KLRG1: variants seen among roughly 807,000 people sequenced by gnomAD.
The protein encoded by KLRG1 is killer cell lectin-like receptor subfamily G member 1.
A neutral mutation model predicts 21.8 loss-of-function variants in KLRG1; 16 were observed. The observed-to-expected ratio is 0.73, with a 90% confidence interval of 0.50 to 1.11. KLRG1 has a LOEUF of 1.11. KLRG1 is among the 50% of genes most tolerant of loss of function. The pLI is 0.00. For missense variants in KLRG1, 173 were observed against 218.3 expected, an observed-to-expected ratio of 0.79 and a Z score of 1.31; for synonymous variants, 69 against 75.9, an observed-to-expected ratio of 0.91 and a Z score of 0.47.
At chr12:9,150,895 G>A in the KLRG1 span, 1 of 622,254 alleles carries the variant, frequency 1.6e-6, no homozygotes, top group Non-Finnish European at 2.8e-6. Context: ...GTTTTAGAAT[G>A]CATCCTTGGG....
At chr12:9,067,631 G>T in the KLRG1 span, 1 of 683,464 alleles carries the variant, frequency 1.5e-6, no homozygotes, top group Admixed American at 2.1e-5. Context: ...ATTCCTTTAA[G>T]TTTAATCTTG....
At chr12:9,069,788 C>G in the KLRG1 span, 1 of 1,612,894 alleles carries the variant, frequency 6.2e-7, no homozygotes, top group Non-Finnish European at 8.5e-7. Flanking sequence ...GACTTCTGTC[C>G]GGCTCACATG....
At chr12:8,955,021 ATTC>A (rs1413998001) in intron 1 of KLRG1, among the ~76,000 whole-genome samples, 1 of 151,662 alleles carries the variant, frequency 6.6e-6, no homozygotes, top group Non-Finnish European at 1.5e-5. Context: ...GGTTCAAGCT[ATTC>A]TTCTGCCTCA....
At chr12:9,212,482 G>A in the KLRG1 span, among the ~76,000 whole-genome samples, 3 of 131,246 alleles carry the variant, frequency 2.3e-5, no homozygotes, top group Non-Finnish European at 5.4e-5. Flanking sequence ...TTTTATGTTA[G>A]TTATTTTCTT....
the KLRG1 span, chr12:9,200,988 G>C: frequency 1.2e-6 from 2 of 1,614,112 alleles, no homozygotes; most frequent in Non-Finnish European, 1.7e-6. Context: ...GATGAGAGGG[G>C]AAAGGACAAC....
At chr12:9,182,013 A>T in the KLRG1 span, 1 of 1,613,918 alleles carries the variant, frequency 6.2e-7, no homozygotes, top group Middle Eastern at 1.6e-4. Context: ...AATTTTTCAG[A>T]GTCTCCAACA....
the KLRG1 span, chr12:9,066,716 G>A: frequency 2.0e-5 from 3 of 152,226 alleles, no homozygotes; most frequent in Admixed American, 6.5e-5. Flanking sequence ...AGAAGTGATA[G>A]CTTTTATTTC....
At chr12:9,044,657 A>C in the KLRG1 span, among the ~76,000 whole-genome samples, 6 of 151,186 alleles carry the variant, frequency 4.0e-5, no homozygotes, top group East Asian at 1.2e-3. Context: ...ACAGAGTGAG[A>C]TTCCATTTCA....
chr12:9,025,648 A>G, the KLRG1 span, among the ~76,000 whole-genome samples: 6 of 152,174 alleles, frequency 3.9e-5, no homozygotes, highest in African/African-American at 1.4e-4. Flanking sequence ...AAAAAAACCC[A>G]AAAAATATGC....
At chr12:9,209,307 G>T in the KLRG1 span, among the ~76,000 whole-genome samples, 1 of 151,850 alleles carries the variant, frequency 6.6e-6, no homozygotes, top group South Asian at 2.1e-4. Context: ...CCCTTCTTTG[G>T]AGAGCAAATT....
chr12:9,177,239 C>G, the KLRG1 span, among the ~76,000 whole-genome samples: 3 of 152,332 alleles, frequency 2.0e-5, no homozygotes, highest in South Asian at 6.2e-4. Flanking sequence ...CGCATTAGCT[C>G]TCTTGGATCA....
At chr12:9,027,916 T>C in the KLRG1 span, 1 of 878,700 alleles carries the variant, frequency 1.1e-6, no homozygotes, top group East Asian at 2.4e-5. Flanking sequence ...CCTCTTTGGC[T>C]AGATGAAGCG....
chr12:9,190,927 G>T, the KLRG1 span, among the ~76,000 whole-genome samples: 1 of 152,224 alleles, frequency 6.6e-6, no homozygotes, highest in Admixed American at 6.5e-5. Context: ...TATCATAGAG[G>T]TGTAAGTGCT....
the KLRG1 span, chr12:9,074,505 A>C: frequency 6.7e-7 from 1 of 1,497,622 alleles, no homozygotes; most frequent in Admixed American, 2.1e-5. Flanking sequence ...TTTCTTTTTC[A>C]TTCAAATCTT....
the KLRG1 span, chr12:9,072,238 C>T: frequency 1.8e-6 from 2 of 1,142,346 alleles, no homozygotes; most frequent in Non-Finnish European, 2.5e-6. Context: ...TAAGAGAATA[C>T]ATTGCATTTT....
the KLRG1 span, chr12:9,091,310 C>T: frequency 2.0e-5 from 32 of 1,613,950 alleles, no homozygotes; most frequent in African/African-American, 4.0e-5. Context: ...CTGGAAGGCT[C>T]GGAGAGAGGC....
At chr12:9,113,676 T>C in the KLRG1 span, 1 of 936,346 alleles carries the variant, frequency 1.1e-6, no homozygotes, top group Non-Finnish European at 1.6e-6. Context: ...AGCATGAAAT[T>C]TGGCCGTTGA....
the KLRG1 span, chr12:9,153,410 G>A: frequency 5.8e-5 from 79 of 1,353,616 alleles, no homozygotes; most frequent in East Asian, 1.8e-3. Context: ...TTCCCCCAAA[G>A]TCTGTGTTAG....
chr12:9,074,905 G>A, the KLRG1 span: 1 of 1,033,910 alleles, frequency 9.7e-7, no homozygotes, highest in Admixed American at 2.7e-5. Context: ...TGTACTGTAT[G>A]TAGATGCTTT....
Sources: allele counts gnomAD v4.1 joint callset (sites outside exome capture counted in the v4.1 genomes callset), GRCh38; gene constraint gnomAD v4.1.1; transcripts MANE v1.5; gene names NCBI Gene and HGNC (gene_info 2026-07-23, HGNC 2026-07-21).